MSH4: variants seen among roughly 807,000 people sequenced by gnomAD.
MSH4 encodes mutS protein homolog 4.
Under a neutral mutation model 113.7 loss-of-function variants are expected in MSH4, and 106 were observed. That is an observed-to-expected ratio of 0.93 (90% CI 0.80 to 1.10). MSH4 has a LOEUF of 1.10. Ranked by LOEUF, MSH4 falls within the 50% of genes least tolerant of loss-of-function variation. MSH4 has a pLI of 0.00. For synonymous variants in MSH4, 368 were observed against 380.2 expected (o/e 0.97, Z 0.37); for missense variants, 1,061 against 1,093.7 (o/e 0.97, Z 0.42).
intron 8 of MSH4, among the ~76,000 whole-genome samples, chr1:75,866,755 T>C (rs2100560632): frequency 6.6e-6 from 1 of 152,092 alleles, no homozygotes; most frequent in South Asian, 2.1e-4. Context: ...CCGAGATGGC[T>C]GGATCATCTG....
At chr1:75,851,338 G>A (rs1651182914) in intron 8 of MSH4, among the ~76,000 whole-genome samples, 1 of 148,916 alleles carries the variant, frequency 6.7e-6, no homozygotes, top group African/African-American at 2.5e-5. Context: ...ATAACTCATT[G>A]CCTTCATTAG....
intron 7 of MSH4, among the ~76,000 whole-genome samples, chr1:75,831,676 T>C (rs1290058590): frequency 6.6e-6 from 1 of 152,232 alleles, no homozygotes; most frequent in African/African-American, 2.4e-5. Flanking sequence ...AACCTGCTCC[T>C]GAATGACTAC....
intron 2 of MSH4, among the ~76,000 whole-genome samples, chr1:75,805,752 T>G (rs529075285): frequency 2.0e-5 from 3 of 152,302 alleles, no homozygotes; most frequent in African/African-American, 7.2e-5. Context: ...GGACTAATTT[T>G]TAATTCCATC....
intron 15 of MSH4, among the ~76,000 whole-genome samples, chr1:75,886,432 A>T (rs571182767): frequency 8.9e-6 from 1 of 112,810 alleles, no homozygotes; most frequent in Non-Finnish European, 1.6e-5. Flanking sequence ...ATGATGTATT[A>T]TATATTATAT....
intron 9 of MSH4, among the ~76,000 whole-genome samples, chr1:75,873,880 A>G (rs1019275879): frequency 2.6e-5 from 4 of 152,180 alleles, no homozygotes; most frequent in African/African-American, 9.7e-5. Context: ...TGCAGTGAAC[A>G]TTCGTGTGCA....
intron 9 of MSH4, among the ~76,000 whole-genome samples, chr1:75,872,607 T>TA (rs995731093): frequency 1.3e-4 from 19 of 151,870 alleles, no homozygotes; most frequent in South Asian, 2.1e-4. Context: ...CATAACATTT[T>TA]AAAAAAAAGA....
chr1:75,817,836 C>T lies in MSH4; in HGVS notation c.989+1290C>T, dbSNP rs111813692. The stretch of plus-strand genomic sequence containing the variant: ...CATGTGATGGGAGACACCCCCCCTC[C>T]CCCTAGCCAGTTGATATGAGTAGTT... On this transcript the variant is annotated intron_variant, in intron 6 of 19. Coordinates refer to ENST00000263187, the MANE Select transcript of MSH4 (RefSeq NM_002440.4). Among the ~76,000 whole-genome samples the T allele has an allele frequency of 8.2e-3, 1,249 of 152,146 alleles. 14 individuals are homozygous for T. Among genetic ancestry groups the T allele is most frequent in the African/African-American group, 0.029 (1,184 of 41,506 alleles).
chr1:75,807,571 C>T (rs1006030099), intron 3 of MSH4, among the ~76,000 whole-genome samples: 29 of 152,050 alleles, frequency 1.9e-4, no homozygotes, highest in African/African-American at 6.8e-4. Context: ...GGGATTAATG[C>T]GTTTTTGGTT....
At chr1:75,841,077 G>A (rs569581993) in intron 7 of MSH4, among the ~76,000 whole-genome samples, 4 of 152,148 alleles carry the variant, frequency 2.6e-5, no homozygotes, top group African/African-American at 7.2e-5. Context: ...TAGCAGTAAT[G>A]CAGATGTTTT....
At chr1:75,899,109 A>G (rs1343812366) in intron 18 of MSH4, among the ~76,000 whole-genome samples, 1 of 152,176 alleles carries the variant, frequency 6.6e-6, no homozygotes, top group Non-Finnish European at 1.5e-5. Flanking sequence ...CAATAAAATT[A>G]AGCTCTAAAA....
At position 75,912,549 on chromosome 1, in the gene MSH4, G is replaced by A. The variant is rs552232791; in HGVS notation, c.2620-147G>A. 12 of 396,664 alleles carry A rather than the reference G, an allele frequency of 3.0e-5. No homozygotes were observed. In the South Asian group the frequency reaches 1.2e-3, roughly 39 times the overall value. The allele number at this position is 396,664 out of a possible 1,614,324, so 24.6% of individuals were successfully genotyped here. A position where few individuals can be genotyped will look rare whatever the true frequency, so the allele number is the denominator to read the frequency against. ...TCTTCTTGTATATTCTTTCCTTGTT[G>A]GAGGAAACTGATTTGTTCAAAGGAA... On this transcript the variant is annotated intron_variant, in intron 19 of 19. Transcript: ENST00000263187.
At chr1:75,859,042 T>A (rs1651388226) in intron 8 of MSH4, among the ~76,000 whole-genome samples, 1 of 152,210 alleles carries the variant, frequency 6.6e-6, no homozygotes, top group Non-Finnish European at 1.5e-5. Context: ...ATTTTCTAGT[T>A]TATTTGCATA....
At chr1:75,822,954 T>C (rs1553132651) in intron 7 of MSH4, among the ~76,000 whole-genome samples, 2 of 152,214 alleles carry the variant, frequency 1.3e-5, no homozygotes, top group Non-Finnish European at 2.9e-5. Context: ...TAGGCTGCTC[T>C]AAAAACTAGT....
chr1:75,875,494 TGA>T (rs1651800155), intron 9 of MSH4, among the ~76,000 whole-genome samples: 1 of 152,170 alleles, frequency 6.6e-6, no homozygotes, highest in African/African-American at 2.4e-5. Context: ...GAAATTTCTA[TGA>T]CAAAAACCAT....
chr1:75,810,690 A>G lies in MSH4; in HGVS notation c.589-7A>G. ...ATTTAAGAAATTGTTTATTCAAATG[A>G]TTTCAGGTGATCACTAAACTTAAAA... is the stretch of plus-strand genomic sequence containing the variant. On this transcript the variant is annotated splice_region_variant and splice_polypyrimidine_tract_variant and intron_variant, in intron 3 of 19. Transcript: ENST00000263187. 2 of 1,304,984 alleles carry G rather than the reference A, an allele frequency of 1.5e-6. No homozygotes were observed. The highest frequency in any genetic ancestry group is 2.9e-5 in the South Asian group (2 of 68,944). 80.8% of individuals were successfully genotyped at this position (1,304,984 alleles called of 1,614,324 possible).
At chr1:75,842,333 T>A (rs1177081383) in intron 7 of MSH4, among the ~76,000 whole-genome samples, 1 of 152,138 alleles carries the variant, frequency 6.6e-6, no homozygotes, top group Non-Finnish European at 1.5e-5. Context: ...CCTGAAAGGA[T>A]GCCTGGCTCT....
At chr1:75,824,100 A>G (rs911583289) in intron 7 of MSH4, among the ~76,000 whole-genome samples, 2 of 152,108 alleles carry the variant, frequency 1.3e-5, no homozygotes, top group African/African-American at 4.8e-5. Flanking sequence ...CCGACAGTGT[A>G]AAGTGTTCCT....
intron 19 of MSH4, among the ~76,000 whole-genome samples, chr1:75,906,150 C>G (rs1309601445): frequency 6.6e-5 from 10 of 151,652 alleles, no homozygotes; most frequent in South Asian, 6.3e-4. Flanking sequence ...GCCTGTACAC[C>G]CAGCTAATTT....
chr1:75,885,061 A>ATG, intron 15 of MSH4, among the ~76,000 whole-genome samples: 1 of 119,782 alleles, frequency 8.3e-6, no homozygotes, highest in Non-Finnish European at 1.7e-5. Flanking sequence ...GTGTGTGTGT[A>ATG]TATATATATA....
Sources: gnomAD v4.1 joint callset for allele counts (sites outside exome capture counted in the v4.1 genomes callset) on GRCh38, gnomAD v4.1.1 for gene constraint, MANE v1.5 for transcripts, NCBI Gene and HGNC (gene_info 2026-07-23, HGNC 2026-07-21) for gene names.